Variants in DGAT2 observed in about 807,000 individuals in gnomAD.
DGAT2 encodes the protein acyl-CoA retinol O-fatty-acyltransferase.
A neutral mutation model predicts 48.4 loss-of-function variants in DGAT2; 33 were observed. The observed-to-expected ratio is 0.68, with a 90% CI of 0.52 to 0.91. DGAT2 has a LOEUF of 0.91. Among genes scored for constraint, DGAT2 ranks in the 40% least tolerant of loss-of-function variants. The pLI is 0.00. For missense variants in DGAT2, 446 were observed against 493.7 expected (o/e 0.90, Z 0.92); for synonymous variants, 191 against 194.1 (o/e 0.98, Z 0.13).
At position 75,798,369 on chromosome 11, in the gene DGAT2, G is replaced by A. The variant is rs145750206; in HGVS notation, c.952G>A (p.Gly318Ser). Residue 318 changes from glycine (G) to serine (S), a missense_variant, in exon 7 of 8, where the codon GGC becomes AGC. Coordinates refer to ENST00000228027, the MANE Select transcript of DGAT2 (RefSeq NM_032564.5). Reference sequence around the variant, plus strand: ...CGCCCCATGCATCTTCCATGGTCGAGGCCTCTTCTCCTCCGACACCTGGGG... The same window carrying A: ...CGCCCCATGCATCTTCCATGGTCGAAGCCTCTTCTCCTCCGACACCTGGGG... ...GFAPCIFHGR[G>S]LFSSDTWGLV... 2,241 of 1,614,098 alleles carry A rather than the reference G, an allele frequency of 1.4e-3. 6 individuals carry two copies. Among genetic ancestry groups the A allele is most frequent in the Non-Finnish European group, 1.8e-3 (2,095 of 1,180,024 alleles).
intron 6 of DGAT2, among the ~76,000 whole-genome samples, 192 bp downstream of exon 6, chr11:75,797,524 G>C (rs184957734): frequency 6.6e-6 from 1 of 152,318 alleles, no homozygotes; most frequent in East Asian, 1.9e-4. Context: ...TGTCTGGGTG[G>C]GCACAGATGC....
chr11:75,790,756 G>C, intron 4 of DGAT2, 25 bp downstream of exon 4: 1 of 1,613,252 alleles, frequency 6.2e-7, no homozygotes, highest in African/African-American at 1.3e-5. Context: ...GTGTTGTTTT[G>C]GGAGGGTGGG....
rs774854621 is a variant in DGAT2, at chr11:75,797,294, G to A, written c.771G>A (p.Arg257=). 1 of 1,557,094 alleles carries A rather than the reference G, an allele frequency of 6.4e-7. No homozygotes were observed. The highest frequency in any genetic ancestry group is 1.2e-5 in the South Asian group (1 of 82,236). Residue 257 remains arginine (R), a synonymous_variant, in exon 6 of 8, where the codon CGG becomes CGA. Transcript: ENST00000228027. The part of the protein sequence containing the change: ...SMPGKNAVTL[R]NRKGFVKLAL... Reference sequence around the variant, plus strand: ...CTGGCAAGAATGCAGTCACCCTGCGGAACCGCAAGGGCTTTGTGAAACTGG... The same window carrying A: ...CTGGCAAGAATGCAGTCACCCTGCGAAACCGCAAGGGCTTTGTGAAACTGG...
chr11:75,774,578 C>A (rs765262551), intron 1 of DGAT2, among the ~76,000 whole-genome samples: 64 of 152,276 alleles, frequency 4.2e-4, no homozygotes, highest in Non-Finnish European at 5.9e-4. Context: ...GTTGAGATGA[C>A]CCCCTTGGCT....
chr11:75,790,560 G>A, intron 3 of DGAT2, 101 bp from the exon 4 acceptor site: 1 of 1,092,634 alleles, frequency 9.2e-7, no homozygotes, highest in East Asian at 2.4e-5. Flanking sequence ...ATGGTGCATG[G>A]GGTGATGGTC....
At chr11:75,772,588 C>G (rs577845851) in intron 1 of DGAT2, among the ~76,000 whole-genome samples, 2 of 152,316 alleles carry the variant, frequency 1.3e-5, no homozygotes, top group Non-Finnish European at 2.9e-5. Context: ...ATCTAGAGAG[C>G]CACTTCCAAT....
chr11:75,769,524 C>T (rs1944735523), intron 1 of DGAT2, among the ~76,000 whole-genome samples: 1 of 152,158 alleles, frequency 6.6e-6, no homozygotes. Flanking sequence ...TCTGCCCTGT[C>T]CTCTGTCCCA....
chr11:75,796,309 C>T lies in DGAT2; in HGVS notation c.430-19C>T. On this transcript the variant is annotated intron_variant, in intron 4 of 7. Coordinates refer to ENST00000228027, the MANE Select transcript of DGAT2 (RefSeq NM_032564.5). ...CCCTCTCCCAGCCAGTTTCCTCTGA[C>T]CCAAGGTCATCCTTGCAGCTGGTGA... The T allele has an allele frequency of 6.2e-7, 1 of 1,610,920 alleles. No homozygotes were observed. The highest frequency in any genetic ancestry group is 8.5e-7 in the Non-Finnish European group (1 of 1,177,488).
chr11:75,776,142 G>C (rs886633897), intron 1 of DGAT2: 2 of 152,232 alleles, frequency 1.3e-5, no homozygotes, highest in African/African-American at 4.8e-5. Flanking sequence ...TTTCCCTCCT[G>C]ATTCCCCAGA....
chr11:75,790,395 C>G, intron 3 of DGAT2, 100 bp downstream of exon 3: 3 of 1,076,318 alleles, frequency 2.8e-6, no homozygotes, highest in Non-Finnish European at 4.3e-6. Context: ...TCTTTTAACA[C>G]CCACTTTGTG....
At chr11:75,788,251 A>G (rs1264184886) in intron 2 of DGAT2, among the ~76,000 whole-genome samples, 12 of 152,196 alleles carry the variant, frequency 7.9e-5, no homozygotes, top group Non-Finnish European at 1.5e-5. Flanking sequence ...TTCAGGCCCA[A>G]GAAAGGGAAT....
At chr11:75,771,762 GGCCA>G (rs1437446327) in intron 1 of DGAT2, among the ~76,000 whole-genome samples, 1 of 152,108 alleles carries the variant, frequency 6.6e-6, no homozygotes, top group Non-Finnish European at 1.5e-5. Flanking sequence ...GCTGAATAGA[GGCCA>G]CTTTGGGGCT....
At chr11:75,800,256 T>G in intron 7 of DGAT2, 98 bp from the exon 8 acceptor site, 1 of 1,404,976 alleles carries the variant, frequency 7.1e-7, no homozygotes, top group Non-Finnish European at 9.6e-7. Context: ...TCCTTCCACA[T>G]GGCGGGCCCA....
Position 75,798,372 on chromosome 11 carries a change from C to G in DGAT2, c.955C>G (p.Leu319Val). The G allele has an allele frequency of 6.2e-7, 1 of 1,614,056 alleles. No individual in the cohort carries two copies. The highest frequency in any genetic ancestry group is 1.1e-5 in the South Asian group (1 of 91,076). Residue 319 changes from leucine to valine, a missense_variant, in exon 7 of 8, where the codon CTC becomes GTC. Leu to Val is a conservative substitution (Grantham distance 32, BLOSUM62 1). Transcript: ENST00000228027. ...CCCATGCATCTTCCATGGTCGAGGC[C>G]TCTTCTCCTCCGACACCTGGGGGCT... ...FAPCIFHGRGLFSSDTWGLVP... is the reference protein window; with the variant it reads ...FAPCIFHGRGVFSSDTWGLVP...
At chr11:75,772,621 A>G (rs1053215505) in intron 1 of DGAT2, among the ~76,000 whole-genome samples, 5 of 151,994 alleles carry the variant, frequency 3.3e-5, no homozygotes, top group African/African-American at 1.2e-4. Flanking sequence ...TTTTATTTTT[A>G]TAGCCTTTAT....
At chr11:75,777,580 A>T (rs145097642) in intron 1 of DGAT2, among the ~76,000 whole-genome samples, 1 of 152,320 alleles carries the variant, frequency 6.6e-6, no homozygotes, top group African/African-American at 2.4e-5. Flanking sequence ...TAGATGAGGA[A>T]GCTGAAGCTT....
intron 4 of DGAT2, chr11:75,794,455 A>G (rs1246686382): frequency 6.6e-6 from 1 of 152,234 alleles, no homozygotes; most frequent in African/African-American, 2.4e-5. Flanking sequence ...AAAAAGACCA[A>G]CGTGTTCATT....
chr11:75,796,832 T>A (rs1945061882), intron 5 of DGAT2: 1 of 478,628 alleles, frequency 2.1e-6, no homozygotes, highest in Admixed American at 3.8e-5. Context: ...GCACTGTAAT[T>A]GTCCACCTGC....
rs1301617949 is a variant in DGAT2, at chr11:75,798,273, A to G, written c.856A>G (p.Lys286Glu). The change falls in exon 7 of 8, where the codon AAG becomes GAG. Residue 286 changes from lysine to glutamate, a missense_variant. Transcript: ENST00000228027. ...CTCCTTTGGAGAGAATGAAGTGTAC[A>G]AGCAGGTGATCTTCGAGGAGGGCTC... is the stretch of plus-strand genomic sequence containing the variant. ...IYSFGENEVYKQVIFEEGSWG... is the reference protein window; with the variant it reads ...IYSFGENEVYEQVIFEEGSWG... 1.2e-6 allele frequency: 2 copies of G among 1,614,206 alleles called. No homozygotes were observed. Among genetic ancestry groups the G allele is most frequent in the African/African-American group, 2.7e-5 (2 of 75,046 alleles).
Sources: gnomAD v4.1 joint callset for allele counts (sites outside exome capture counted in the v4.1 genomes callset) on GRCh38, gnomAD v4.1.1 for gene constraint, MANE v1.5 for transcripts, NCBI Gene and HGNC (gene_info 2026-07-23, HGNC 2026-07-21) for gene names.